The following TRPM7 variants were observed in gnomAD, a reference collection of about 807,000 sequenced individuals.
The protein encoded by TRPM7 is LTRPC ion channel family member 7.
A neutral mutation model predicts 229.7 loss-of-function variants in TRPM7; 134 were observed. The observed-to-expected ratio is 0.58, with a 90% CI of 0.51 to 0.67. The LOEUF is 0.67. Among genes scored for constraint, TRPM7 ranks in the 30% least tolerant of loss-of-function variants. The pLI is 0.00. For missense variants in TRPM7, 1,901 were observed against 2,210.0 expected (o/e 0.86, Z 2.80); for synonymous variants, 699 against 715.2 (o/e 0.98, Z 0.36).
At chr15:50,673,836 A>C (rs2062041847) in intron 1 of TRPM7, among the ~76,000 whole-genome samples, 2 of 152,174 alleles carry the variant, frequency 1.3e-5, no homozygotes, top group Admixed American at 6.6e-5. Flanking sequence ...AGGAATCTCC[A>C]CATTGTTTCC....
chr15:50,571,184 C>T (rs533682864), intron 36 of TRPM7, among the ~76,000 whole-genome samples: 47 of 152,200 alleles, frequency 3.1e-4, no homozygotes, highest in African/African-American at 1.1e-3. Flanking sequence ...AATTAAAACA[C>T]GATACTATTT....
chr15:50,589,340 A>G (rs964821868), intron 27 of TRPM7, among the ~76,000 whole-genome samples: 36 of 151,562 alleles, frequency 2.4e-4, no homozygotes, highest in African/African-American at 5.6e-4. Flanking sequence ...AAAAAAAAAA[A>G]AGAGAGAAAT....
chr15:50,618,569 C>CAATA (rs112152993), intron 13 of TRPM7, among the ~76,000 whole-genome samples: 18,835 of 141,834 alleles, frequency 0.13, 1,423 homozygotes, highest in East Asian at 0.25. Context: ...GATTCCGTCT[C>CAATA]AATAAATAAA....
At chr15:50,595,921 C>CA (rs915788712) in intron 23 of TRPM7, among the ~76,000 whole-genome samples, 160 of 149,698 alleles carry the variant, frequency 1.1e-3, no homozygotes, top group African/African-American at 3.8e-3. Context: ...CATATATTTG[C>CA]AAAAAAAATG....
intron 1 of TRPM7, among the ~76,000 whole-genome samples, chr15:50,669,228 G>A (rs146928206): frequency 6.6e-6 from 1 of 152,228 alleles, no homozygotes; most frequent in Non-Finnish European, 1.5e-5. Flanking sequence ...GATCACCTGA[G>A]GTCTGGAGTT....
At chr15:50,588,526 A>T (rs1054489241) in intron 27 of TRPM7, among the ~76,000 whole-genome samples, 2 of 152,220 alleles carry the variant, frequency 1.3e-5, no homozygotes, top group Non-Finnish European at 2.9e-5. Context: ...GCCTGACAGC[A>T]ATTACATAAT....
chr15:50,621,264 TTTC>T (rs2060399583), intron 12 of TRPM7, among the ~76,000 whole-genome samples: 1 of 151,900 alleles, frequency 6.6e-6, no homozygotes, highest in Non-Finnish European at 1.5e-5. Context: ...AAAATAAAAG[TTTC>T]TTCTAAGTTA....
intron 1 of TRPM7, among the ~76,000 whole-genome samples, chr15:50,678,893 A>G (rs530988238): frequency 6.6e-6 from 1 of 152,176 alleles, no homozygotes; most frequent in African/African-American, 2.4e-5. Context: ...AATTTTTTTG[A>G]GACGAAGTCT....
intron 1 of TRPM7, among the ~76,000 whole-genome samples, chr15:50,674,608 A>C (rs2062055424): frequency 6.6e-6 from 1 of 152,086 alleles, no homozygotes; most frequent in South Asian, 2.1e-4. Context: ...TTCTAAATTA[A>C]CTCTATTTAC....
At chr15:50,656,637 G>A (rs2140891054) in intron 3 of TRPM7, among the ~76,000 whole-genome samples, 1 of 151,766 alleles carries the variant, frequency 6.6e-6, no homozygotes, top group African/African-American at 2.4e-5. Flanking sequence ...CATCCAGCCT[G>A]TCAGGTTTTT....
Position 50,561,858 on chromosome 15 carries a change from A to T in TRPM7, c.5468-50T>A, listed in dbSNP as rs781197209. 51 of 1,467,648 alleles carry T rather than the reference A, an allele frequency of 3.5e-5. No individual in the cohort carries two copies. The East Asian group carries it at 1.1e-3, about 32-fold the overall frequency. 90.9% of individuals were successfully genotyped at this position (1,467,648 alleles called of 1,614,324 possible). ...AAAAAAAAAAAAGAAAGAGAAAAGA[A>T]AAAAGTTAGTATTTCTTAGAAATGG... On this transcript the variant is annotated intron_variant, in intron 38 of 38. Transcript: ENST00000646667.
chr15:50,643,623 AC>A, intron 4 of TRPM7, 70 bp from the exon 5 acceptor site: 2 of 1,297,096 alleles, frequency 1.5e-6, no homozygotes, highest in Non-Finnish European at 2.2e-6. Context: ...ACATTATATG[AC>A]TTTGGAAAAT....
chr15:50,610,980 T>TG, intron 17 of TRPM7, 113 bp downstream of exon 17: 1 of 790,246 alleles, frequency 1.3e-6, no homozygotes, highest in East Asian at 2.7e-5. Flanking sequence ...GCTCCCTCTT[T>TG]ACCCCCCACC....
intron 1 of TRPM7, among the ~76,000 whole-genome samples, chr15:50,678,721 A>G (rs1949777811): frequency 2.0e-5 from 3 of 152,170 alleles, no homozygotes; most frequent in African/African-American, 7.2e-5. Context: ...CAATTGGTAG[A>G]AAAGTTCTAT....
At chr15:50,632,606 T>C (rs182190601) in intron 9 of TRPM7, among the ~76,000 whole-genome samples, 1 of 152,216 alleles carries the variant, frequency 6.6e-6, no homozygotes, top group East Asian at 1.9e-4. Context: ...ACATTATCTG[T>C]TGAGACCTAG....
chr15:50,656,503 T>C (rs1490082621), intron 3 of TRPM7, among the ~76,000 whole-genome samples: 3 of 150,432 alleles, frequency 2.0e-5, no homozygotes, highest in Non-Finnish European at 4.4e-5. Flanking sequence ...GGTTTTCTTT[T>C]TTTTTTTTTT....
At position 50,683,587 on chromosome 15, in the gene TRPM7, A is replaced by T. The variant is rs189268352; in HGVS notation, c.3+2944T>A. Among the ~76,000 whole-genome samples, 13 of 152,280 alleles carry T rather than the reference A, an allele frequency of 8.5e-5. No individual in the cohort carries two copies. In the East Asian group the frequency reaches 2.3e-3, roughly 27 times the overall value. On this transcript the variant is annotated intron_variant, in intron 1 of 38. Coordinates refer to ENST00000646667, the MANE Select transcript of TRPM7 (RefSeq NM_017672.6). The stretch of plus-strand genomic sequence containing the variant: ...TGTCTCTACTAAAAATACAAAAATT[A>T]GCCGGGTGTGGTGGTGGACGCCTGT...
At chr15:50,670,995 T>C (rs1239421058) in intron 1 of TRPM7, among the ~76,000 whole-genome samples, 3 of 152,150 alleles carry the variant, frequency 2.0e-5, no homozygotes, top group Non-Finnish European at 2.9e-5. Flanking sequence ...AGGGGGCTAC[T>C]ATACATTGCG....
chr15:50,673,163 ACATTCACTCAC>A (rs1186397208), intron 1 of TRPM7, among the ~76,000 whole-genome samples: 2 of 151,876 alleles, frequency 1.3e-5, no homozygotes, highest in African/African-American at 4.9e-5. Context: ...CTAGGCCTTC[ACATTCACTCAC>A]CACTCACTCA....
Sources: allele counts gnomAD v4.1 joint callset (sites outside exome capture counted in the v4.1 genomes callset), GRCh38; gene constraint gnomAD v4.1.1; transcripts MANE v1.5; gene names NCBI Gene and HGNC (gene_info 2026-07-23, HGNC 2026-07-21).